Variants in CENPM observed in about 807,000 individuals in gnomAD.
The protein encoded by CENPM is centromere protein M, also known as interphase centromere complex protein 39.
In CENPM, 14 loss-of-function variants were observed where a neutral mutation model predicts 19.6. The observed-to-expected ratio is 0.71, with a 90% CI of 0.47 to 1.11. The LOEUF is 1.11. Among genes scored for constraint, CENPM ranks in the 50% most tolerant of loss-of-function variants. CENPM has a pLI of 0.00. For missense variants in CENPM, 239 were observed against 228.4 expected, an observed-to-expected ratio of 1.05 and a Z score of -0.30; for synonymous variants, 114 against 101.5, an observed-to-expected ratio of 1.12 and a Z score of -0.74.
chr22:41,929,278 T>C, the CENPM span, among the ~76,000 whole-genome samples: 1 of 152,034 alleles, frequency 6.6e-6, no homozygotes, highest in African/African-American at 2.4e-5. Flanking sequence ...CGTCCATCCA[T>C]GTTGGTGCTG....
chr22:41,938,831 C>A lies in CENPM; in HGVS notation c.*225G>T, dbSNP rs2077697469. 2 of 517,020 alleles carry A rather than the reference C, an allele frequency of 3.9e-6. No homozygotes were observed. Among genetic ancestry groups the A allele is most frequent in the Non-Finnish European group, 6.9e-6 (2 of 291,658 alleles). 32.0% of individuals were successfully genotyped at this position (517,020 alleles called of 1,614,324 possible). A position where few individuals can be genotyped will look rare whatever the true frequency, so the allele number is the denominator to read the frequency against. Reference sequence around the variant, plus strand: ...CAGCTGCTTAAAGACACAGGCTCTGCAAGAGTGAGTGTGGGAGTGGGAGGG... The same window carrying A: ...CAGCTGCTTAAAGACACAGGCTCTGAAAGAGTGAGTGTGGGAGTGGGAGGG... On this transcript the variant is annotated 3_prime_UTR_variant, in exon 6 of 6. Transcript: ENST00000215980.
chr22:41,935,423 C>T (rs2077679598), downstream of CENPM, among the ~76,000 whole-genome samples: 1 of 152,132 alleles, frequency 6.6e-6, no homozygotes, highest in South Asian at 2.1e-4. Flanking sequence ...CCTACTCTAC[C>T]CTCCAGTTAC....
chr22:41,946,917 A>G, intron 1 of CENPM, 103 bp downstream of exon 1: 2 of 1,141,414 alleles, frequency 1.8e-6, no homozygotes, highest in Non-Finnish European at 2.6e-6. Context: ...CCGCCACGGT[A>G]GCGCGCGCTG....
At chr22:41,944,979 A>T in intron 4 of CENPM, 1 of 1,355,018 alleles carries the variant, frequency 7.4e-7, no homozygotes, top group Non-Finnish European at 9.6e-7. Flanking sequence ...CAGATTTGTT[A>T]TGTAGTTAAA....
chr22:41,944,435 CAAAA>C (rs139232803), intron 4 of CENPM, among the ~76,000 whole-genome samples: 3 of 70,260 alleles, frequency 4.3e-5, no homozygotes, highest in Non-Finnish European at 5.7e-5. Context: ...GACTCCGTCT[CAAAA>C]AAAAAAAAAA....
chr22:41,934,280 G>A (rs1203250199), downstream of CENPM, among the ~76,000 whole-genome samples: 2 of 152,182 alleles, frequency 1.3e-5, no homozygotes, highest in African/African-American at 2.4e-5. Context: ...TGGACCACTG[G>A]CCATGGAGAA....
At chr22:41,944,813 C>T (rs1446136717) in intron 4 of CENPM, 1 of 1,011,754 alleles carries the variant, frequency 9.9e-7, no homozygotes, top group African/African-American at 1.7e-5. Context: ...TACCGAAAGC[C>T]ACAGGCAACC....
chr22:41,935,797 G>A (rs1399645374), downstream of CENPM, among the ~76,000 whole-genome samples: 2 of 152,122 alleles, frequency 1.3e-5, no homozygotes, highest in African/African-American at 4.8e-5. Context: ...CTTGCAGACT[G>A]CTGCTTTCTG....
rs1366615629 is a variant in CENPM at position 41,947,027 on chromosome 22, G to A, written c.50C>T (p.Thr17Ile). ...AGGGCCGCCTGCACCTACCAAGATG[G>A]TGGCCGTGTTCAGGCCGGGCAGCTT... ...LDKLPGLNTA[T>I]ILLVGTEDAL... Residue 17 changes from threonine (T) to isoleucine (I), a missense_variant, in exon 1 of 6, where the codon ACC (threonine) becomes ATC (isoleucine). Thr to Ile is a moderately conservative substitution (Grantham distance 89). Coordinates refer to ENST00000215980, the MANE Select transcript of CENPM (RefSeq NM_024053.5). 6.2e-7 allele frequency: 1 copy of A among 1,612,894 alleles called. No individual in the cohort carries two copies. The highest frequency in any genetic ancestry group is 8.5e-7 in the Non-Finnish European group (1 of 1,179,942).
At chr22:41,943,179 A>C (rs528712754) in intron 5 of CENPM, among the ~76,000 whole-genome samples, 1 of 152,312 alleles carries the variant, frequency 6.6e-6, no homozygotes, top group South Asian at 2.1e-4. Context: ...TGACTCCCAG[A>C]GGACACAAGG....
chr22:41,932,992 G>A, the CENPM span, among the ~76,000 whole-genome samples: 1 of 152,204 alleles, frequency 6.6e-6, no homozygotes, highest in Admixed American at 6.5e-5. The surrounding 1 kb of genome is among the most constrained non-coding windows in gnomAD (Gnocchi z 4.3). Context: ...GGGGAGGTAA[G>A]GAGTGCTGGG....
rs1429850248 is a variant in CENPM at position 41,943,603 on chromosome 22, T to C, written c.402+7A>G. On this transcript the variant is annotated splice_region_variant and intron_variant, in intron 5 of 5. Transcript: ENST00000215980. Reference sequence around the variant, plus strand: ...ATAGTGTTGGTCTCTGTGATCAGCATGCTCACCTCCAGGTCACAGTAGAGC... The same window carrying C: ...ATAGTGTTGGTCTCTGTGATCAGCACGCTCACCTCCAGGTCACAGTAGAGC... The C allele has an allele frequency of 1.2e-6, 2 of 1,612,018 alleles. No individual in the cohort carries two copies. The highest frequency in any genetic ancestry group is 1.3e-5 in the African/African-American group (1 of 74,920).
At chr22:41,946,684 C>T in intron 1 of CENPM, 188 bp from the exon 2 acceptor site, 1 of 605,912 alleles carries the variant, frequency 1.7e-6, no homozygotes, top group Non-Finnish European at 2.9e-6. Context: ...CGCTGCAGGC[C>T]TGTGGGCACC....
the CENPM span, among the ~76,000 whole-genome samples, chr22:41,930,733 T>C: frequency 3.3e-5 from 5 of 151,746 alleles, no homozygotes; most frequent in Non-Finnish European, 7.4e-5. Flanking sequence ...TTGGGGAGGC[T>C]AGTCTCAAAC....
chr22:41,930,134 G>A, the CENPM span, among the ~76,000 whole-genome samples: 19 of 150,392 alleles, frequency 1.3e-4, no homozygotes, highest in Admixed American at 8.6e-4. Context: ...TAGTAGAGAC[G>A]GGGTTTCACC....
At chr22:41,936,133 G>T (rs1365011790), downstream of CENPM, among the ~76,000 whole-genome samples, 1 of 152,174 alleles carries the variant, frequency 6.6e-6, no homozygotes, top group African/African-American at 2.4e-5. Context: ...GCCTCCCAAA[G>T]TGTTGGGATT....
intron 5 of CENPM, among the ~76,000 whole-genome samples, chr22:41,943,205 A>C (rs2077758526): frequency 6.6e-6 from 1 of 152,200 alleles, no homozygotes; most frequent in Admixed American, 6.5e-5. Context: ...CCAGTTAAAG[A>C]GACGGACATA....
At chr22:41,939,858 AAG>A (rs372093380) in intron 5 of CENPM, among the ~76,000 whole-genome samples, 1 of 12,164 alleles carries the variant, frequency 8.2e-5, no homozygotes, top group Non-Finnish European at 3.1e-4. Flanking sequence ...GAAAGAAAGA[AAG>A]AAAGAAAGAA....
chr22:41,938,949 C>T lies in CENPM; in HGVS notation c.*107G>A, dbSNP rs1047997. The T allele has an allele frequency of 7.7e-6, 11 of 1,430,606 alleles. No homozygotes were observed. The highest frequency in any genetic ancestry group is 2.3e-5 in the East Asian group (1 of 43,190). 88.6% of individuals were successfully genotyped at this position (1,430,606 alleles called of 1,614,324 possible). On this transcript the variant is annotated 3_prime_UTR_variant, in exon 6 of 6. Transcript: ENST00000215980. ...CTGCAGGGAACCTTCCCAGCCACGG[C>T]GGGCTGAGCCTGGGCCTGTCAAGCC...
Sources: gnomAD v4.1 joint callset for allele counts (sites outside exome capture counted in the v4.1 genomes callset) on GRCh38, gnomAD v4.1.1 for gene constraint, Gnocchi (gnomAD v3.1) non-coding constraint, MANE v1.5 for transcripts, NCBI Gene and HGNC (gene_info 2026-07-23, HGNC 2026-07-21) for gene names.